The following SLC9B2 variants were observed in gnomAD, a reference collection of about 807,000 sequenced individuals.
SLC9B2 encodes the protein sodium/hydrogen exchanger 9B2.
SLC9B2 carries 39 observed loss-of-function variants against 52.2 expected under a neutral mutation model. The ratio of observed to expected loss-of-function variants is 0.75; its 90% CI spans 0.58 to 0.98. SLC9B2 has a LOEUF of 0.98. Among genes scored for constraint, SLC9B2 ranks in the 50% least tolerant of loss-of-function variants. SLC9B2 has a pLI of 0.00. For synonymous variants in SLC9B2, 214 were observed against 227.0 expected, an observed-to-expected ratio of 0.94 and a Z score of 0.51; for missense variants, 626 against 637.5, an observed-to-expected ratio of 0.98 and a Z score of 0.19.
intron 9 of SLC9B2, among the ~76,000 whole-genome samples, chr4:103,033,547 A>ACTATAC (rs1742889022): frequency 6.6e-6 from 1 of 152,146 alleles, no homozygotes; most frequent in African/African-American, 2.4e-5. Flanking sequence ...GTACAGAGAT[A>ACTATAC]CTATACCTAG....
intron 11 of SLC9B2, 49 bp downstream of exon 11, chr4:103,028,698 G>A: frequency 3.2e-6 from 5 of 1,550,838 alleles, no homozygotes; most frequent in South Asian, 1.2e-5. Context: ...ATTTCAAGGT[G>A]TCATGCAGAA....
At chr4:103,040,949 C>T (rs958591116) in intron 9 of SLC9B2, among the ~76,000 whole-genome samples, 2 of 152,120 alleles carry the variant, frequency 1.3e-5, no homozygotes, top group Admixed American at 1.3e-4. Context: ...ATTTAACAAT[C>T]CTTCTAGGTA....
At chr4:103,031,842 T>C (rs1742733973) in intron 9 of SLC9B2, 34 bp from the exon 10 acceptor site, 2 of 1,575,292 alleles carry the variant, frequency 1.3e-6, no homozygotes, top group Non-Finnish European at 1.7e-6. Flanking sequence ...CAGATTTTTA[T>C]TATGTGAAGT....
chr4:103,039,843 T>C (rs1560545248), intron 9 of SLC9B2, among the ~76,000 whole-genome samples: 1 of 152,010 alleles, frequency 6.6e-6, no homozygotes, highest in Non-Finnish European at 1.5e-5. Context: ...AGATGGGGTT[T>C]CACCATGCTG....
Position 103,044,989 on chromosome 4 carries a change from A to G in SLC9B2, c.897T>C (p.Thr299=). 1 of 1,609,506 alleles carries G rather than the reference A, an allele frequency of 6.2e-7. No homozygotes were observed. Among genetic ancestry groups the G allele is most frequent in the Non-Finnish European group, 8.5e-7 (1 of 1,177,108 alleles). Residue 299 remains threonine (T), a synonymous_variant, in exon 8 of 12, where the codon ACT becomes ACC. Coordinates refer to ENST00000394785, the MANE Select transcript of SLC9B2 (RefSeq NM_178833.7). ...AAACTCCTCTGAGGACATTAAAGAC[A>G]GTAGAGCCTGAAAAATATATTAAAA... The part of the protein sequence containing the change: ...CLGIAFSTGS[T]VFNVLRGVLE...
chr4:103,046,996 T>C (rs1485896837), intron 7 of SLC9B2, 55 bp downstream of exon 7: 4 of 1,564,066 alleles, frequency 2.6e-6, no homozygotes, highest in Non-Finnish European at 3.5e-6. Flanking sequence ...TATAACATTT[T>C]AACCTACGTC....
intron 5 of SLC9B2, among the ~76,000 whole-genome samples, chr4:103,049,481 T>TA (rs1442160228): frequency 1.3e-5 from 2 of 152,116 alleles, no homozygotes; most frequent in African/African-American, 4.8e-5. Flanking sequence ...TTCAAAAACA[T>TA]ACATGAAAAA....
At chr4:103,067,849 A>G (rs1746285355) in intron 1 of SLC9B2, among the ~76,000 whole-genome samples, 1 of 152,054 alleles carries the variant, frequency 6.6e-6, no homozygotes, top group African/African-American at 2.4e-5. Context: ...TTCCCATATT[A>G]TTTTTTGAGT....
At chr4:103,038,632 TC>T (rs1304912095) in intron 9 of SLC9B2, among the ~76,000 whole-genome samples, 2 of 152,086 alleles carry the variant, frequency 1.3e-5, no homozygotes, top group Non-Finnish European at 2.9e-5. Flanking sequence ...TTAGTAAGAA[TC>T]TGAAAAAATA....
chr4:103,071,935 T>A (rs930280150), intron 1 of SLC9B2, among the ~76,000 whole-genome samples: 1 of 152,180 alleles, frequency 6.6e-6, no homozygotes, highest in South Asian at 2.1e-4. Context: ...TTGAGGTAAC[T>A]TAATAACACC....
At chr4:103,020,379 A>T (rs534171872), downstream of SLC9B2, 106 of 440,970 alleles carry the variant, frequency 2.4e-4, no homozygotes, top group Admixed American at 2.6e-3. Context: ...CAGTAATAGA[A>T]TCCGCGCTTC....
Position 103,057,928 on chromosome 4 carries a change from A to G in SLC9B2, c.315T>C (p.Thr105=), listed in dbSNP as rs113241253. The G allele has an allele frequency of 1.9e-6, 3 of 1,613,922 alleles. No homozygotes were observed. The South Asian group carries it at 3.3e-5, about 18-fold the overall frequency. Residue 105 remains threonine (T), a synonymous_variant, in exon 4 of 12, where the codon ACT becomes ACC. Coordinates refer to ENST00000394785, the MANE Select transcript of SLC9B2 (RefSeq NM_178833.7). Reference sequence around the variant, plus strand: ...TTCCTCCAGGAAGACATTCACTGCCAGTAATTGACCAAACTACAGCCCACA... The same window carrying G: ...TTCCTCCAGGAAGACATTCACTGCCGGTAATTGACCAAACTACAGCCCACA... ...VLLWAVVWSI[T]GSECLPGGNL...
intron 9 of SLC9B2, among the ~76,000 whole-genome samples, chr4:103,033,712 C>T (rs553137755): frequency 2.6e-5 from 4 of 152,076 alleles, no homozygotes; most frequent in African/African-American, 9.6e-5. Flanking sequence ...CATTCACAAT[C>T]GCCAAAAGAA....
intron 4 of SLC9B2, among the ~76,000 whole-genome samples, chr4:103,056,617 T>C (rs373069342): frequency 6.6e-6 from 1 of 152,248 alleles, no homozygotes; most frequent in East Asian, 1.9e-4. Context: ...CAAAAAAGTA[T>C]GCATTTTATA....
Position 103,050,240 on chromosome 4 carries a change from C to A in SLC9B2, c.585G>T (p.Lys195Asn). 2 of 1,570,646 alleles carry A rather than the reference C, an allele frequency of 1.3e-6. No homozygotes were observed. Among genetic ancestry groups the A allele is most frequent in the Non-Finnish European group, 1.7e-6 (2 of 1,164,164 alleles). ...LVRAGLGLDS[K>N]ALKKLKGVCV... ...ATAATGAGAAATTTACATTTCATAC[C>A]TTTGAATCCAGACCAAGGCCAGCAC... The change falls in exon 5 of 12, where the codon AAG becomes AAT. Residue 195 changes from lysine to asparagine, a missense_variant and splice_region_variant. Physicochemically the swap from Lys to Asn is moderately conservative, Grantham distance 94. Coordinates refer to ENST00000394785, the MANE Select transcript of SLC9B2 (RefSeq NM_178833.7).
Position 103,050,341 on chromosome 4 carries a change from T to C in SLC9B2, c.484A>G (p.Ile162Val). 6.2e-7 allele frequency: 1 copy of C among 1,609,056 alleles called. No homozygotes were observed. The highest frequency in any genetic ancestry group is 8.5e-7 in the Non-Finnish European group (1 of 1,177,852). The change falls in exon 5 of 12, where the codon ATC (isoleucine) becomes GTC (valine). Residue 162 changes from isoleucine (I) to valine (V), a missense_variant. Coordinates refer to ENST00000394785, the MANE Select transcript of SLC9B2 (RefSeq NM_178833.7). ...AGFLIRNIPV[I>V]NDNVQIKHKW... ...TGCTTGATCTGCACATTATCGTTGATGACTGGGATATTTCTGATGAGAAAC... is the reference window on the plus strand; with the variant it reads ...TGCTTGATCTGCACATTATCGTTGACGACTGGGATATTTCTGATGAGAAAC...
chr4:103,057,849 A>C lies in SLC9B2; in HGVS notation c.394T>G (p.Leu132Val). The change falls in exon 4 of 12, where the codon TTG (leucine) becomes GTG (valine). Residue 132 changes from leucine to valine, a missense_variant. Leu to Val is a conservative substitution (Grantham distance 32). Transcript: ENST00000394785. The part of the protein sequence containing the change: ...FYCAIIGGKL[L>V]GLIKLPTLPP... Reference sequence around the variant, plus strand: ...AATGTAGGTAACTTAATAAGCCCCAAAAGTTTACCACCAATGATGGCACAA... The same window carrying C: ...AATGTAGGTAACTTAATAAGCCCCACAAGTTTACCACCAATGATGGCACAA... 2 of 1,613,880 alleles carry C rather than the reference A, an allele frequency of 1.2e-6. No homozygotes were observed. Among genetic ancestry groups the C allele is most frequent in the Non-Finnish European group, 1.7e-6 (2 of 1,179,966 alleles).
chr4:103,063,267 G>C (rs1203415083), intron 3 of SLC9B2, among the ~76,000 whole-genome samples: 1 of 152,088 alleles, frequency 6.6e-6, no homozygotes, highest in Non-Finnish European at 1.5e-5. Context: ...TATATTTTTG[G>C]ATTCTGGTTT....
intron 7 of SLC9B2, among the ~76,000 whole-genome samples, chr4:103,045,639 G>A (rs1744056589): frequency 6.6e-6 from 1 of 152,016 alleles, no homozygotes; most frequent in African/African-American, 2.4e-5. Flanking sequence ...GCGGGGAGAG[G>A]AAACACAGCA....
Sources: allele counts gnomAD v4.1 joint callset (sites outside exome capture counted in the v4.1 genomes callset), GRCh38; gene constraint gnomAD v4.1.1; transcripts MANE v1.5; gene names NCBI Gene and HGNC (gene_info 2026-07-23, HGNC 2026-07-21).